The following QTMAN variants were observed in gnomAD, a reference collection of about 807,000 sequenced individuals.
QTMAN encodes the protein queuosine-tRNA mannosyltransferase, also known as tRNA-queuosine alpha-mannosyltransferase.
the QTMAN span, among the ~76,000 whole-genome samples, chr2:144,055,334 G>GACACACAC: frequency 6.6e-3 from 879 of 132,818 alleles, 9 homozygotes; most frequent in South Asian, 0.02. Context: ...CAGACACACA[G>GACACACAC]ACACACACAC....
chr2:144,037,851 C>A, the QTMAN span, among the ~76,000 whole-genome samples: 1 of 152,126 alleles, frequency 6.6e-6, no homozygotes, highest in Non-Finnish European at 1.5e-5. Context: ...ATAGTACGAT[C>A]TCATTAAAAC....
chr2:144,332,816 C>T, the QTMAN span, among the ~76,000 whole-genome samples: 3 of 152,226 alleles, frequency 2.0e-5, no homozygotes, highest in East Asian at 1.9e-4. Context: ...CCTGTCCGCC[C>T]TTTCAGCTTT....
chr2:144,199,629 G>C, the QTMAN span, among the ~76,000 whole-genome samples: 1 of 152,070 alleles, frequency 6.6e-6, no homozygotes, highest in Non-Finnish European at 1.5e-5. Context: ...AAAATCTCTA[G>C]CTCTAAAAAT....
At chr2:144,155,295 G>T in the QTMAN span, among the ~76,000 whole-genome samples, 1 of 152,100 alleles carries the variant, frequency 6.6e-6, no homozygotes, top group African/African-American at 2.4e-5. Flanking sequence ...ACAATATCTT[G>T]ATAATAATTT....
chr2:144,084,232 T>C, the QTMAN span, among the ~76,000 whole-genome samples: 2 of 152,226 alleles, frequency 1.3e-5, no homozygotes, highest in African/African-American at 4.8e-5. Context: ...AGCTGGTATA[T>C]CCAGGATATC....
the QTMAN span, among the ~76,000 whole-genome samples, chr2:144,133,435 A>T: frequency 2.6e-4 from 14 of 54,258 alleles, no homozygotes; most frequent in African/African-American, 8.1e-4. Flanking sequence ...TATAATATAT[A>T]ATATATAATA....
the QTMAN span, among the ~76,000 whole-genome samples, chr2:144,333,033 G>C: frequency 6.6e-6 from 1 of 152,076 alleles, no homozygotes; most frequent in African/African-American, 2.4e-5. Context: ...CTCCCTTGCC[G>C]ACACCTCTAC....
chr2:144,180,210 T>C, the QTMAN span, among the ~76,000 whole-genome samples: 3 of 152,316 alleles, frequency 2.0e-5, no homozygotes, highest in East Asian at 5.8e-4. Flanking sequence ...TCACTGTTTG[T>C]TTCATTTTTT....
chr2:144,319,322 A>G, the QTMAN span, among the ~76,000 whole-genome samples: 2 of 152,156 alleles, frequency 1.3e-5, no homozygotes, highest in Non-Finnish European at 2.9e-5. Context: ...CATGAAAATC[A>G]TAGTCCTGAA....
the QTMAN span, among the ~76,000 whole-genome samples, chr2:144,178,117 C>T: frequency 2.0e-5 from 3 of 151,934 alleles, no homozygotes; most frequent in East Asian, 3.9e-4. Flanking sequence ...TTCATGACAG[C>T]GAGGAGGAAA....
the QTMAN span, among the ~76,000 whole-genome samples, chr2:144,315,819 T>C: frequency 9.8e-5 from 15 of 152,364 alleles, no homozygotes; most frequent in South Asian, 3.1e-3. Context: ...CATTCATTTT[T>C]ACCTGTCCTG....
At chr2:143,984,697 A>G in the QTMAN span, among the ~76,000 whole-genome samples, 2 of 152,162 alleles carry the variant, frequency 1.3e-5, no homozygotes, top group African/African-American at 4.8e-5. Context: ...AACTCAGTGG[A>G]CACACACACA....
the QTMAN span, among the ~76,000 whole-genome samples, chr2:144,196,941 G>A: frequency 6.6e-6 from 1 of 152,272 alleles, no homozygotes; most frequent in East Asian, 1.9e-4. Flanking sequence ...TTGATTGTGT[G>A]TATTTATATA....
the QTMAN span, among the ~76,000 whole-genome samples, chr2:144,077,339 C>A: frequency 1.3e-5 from 2 of 152,194 alleles, no homozygotes; most frequent in African/African-American, 4.8e-5. Context: ...GTTAGATAGA[C>A]CCAAATCAAA....
At chr2:144,135,629 T>C in the QTMAN span, among the ~76,000 whole-genome samples, 1 of 152,178 alleles carries the variant, frequency 6.6e-6, no homozygotes, top group Non-Finnish European at 1.5e-5. Flanking sequence ...TCTTATAATG[T>C]TACCATGACA....
the QTMAN span, among the ~76,000 whole-genome samples, chr2:144,146,858 T>C: frequency 5.9e-4 from 89 of 151,980 alleles, no homozygotes; most frequent in African/African-American, 2.1e-3. Context: ...AGAGTTTTTC[T>C]AGGATCACAC....
At chr2:144,030,469 C>A in the QTMAN span, among the ~76,000 whole-genome samples, 1 of 152,020 alleles carries the variant, frequency 6.6e-6, no homozygotes, top group Non-Finnish European at 1.5e-5. Context: ...TTTGTTTTTT[C>A]TTCCTAACTA....
chr2:144,304,114 C>T, the QTMAN span, among the ~76,000 whole-genome samples: 1 of 152,154 alleles, frequency 6.6e-6, no homozygotes, highest in Admixed American at 6.5e-5. Flanking sequence ...AACAACACTT[C>T]CAAAAGGTCA....
the QTMAN span, among the ~76,000 whole-genome samples, chr2:144,093,316 G>A: frequency 6.6e-6 from 1 of 152,204 alleles, no homozygotes; most frequent in East Asian, 1.9e-4. Context: ...CACCTGCTGT[G>A]ACATAAAAGA....
Sources: gnomAD v4.1 joint callset for allele counts (sites outside exome capture counted in the v4.1 genomes callset) on GRCh38, gnomAD v4.1.1 for gene constraint, MANE v1.5 for transcripts, NCBI Gene and HGNC (gene_info 2026-07-23, HGNC 2026-07-21) for gene names.